MEGF11: variants seen among roughly 807,000 people sequenced by gnomAD.
The protein encoded by MEGF11 is multiple EGF like domains 11, also known as multiple epidermal growth factor-like domains protein 11.
A neutral mutation model predicts 146.6 loss-of-function variants in MEGF11; 126 were observed. That is an observed-to-expected ratio of 0.86 (90% CI 0.74 to 1.00). The LOEUF (loss-of-function observed/expected upper bound fraction) is 1.00, where lower values mean the gene tolerates loss of function less well. MEGF11 is among the 50% of genes least tolerant of loss of function. MEGF11 has a pLI of 0.00. For synonymous variants in MEGF11, 532 were observed against 583.4 expected (o/e 0.91, Z 1.27); for missense variants, 1,509 against 1,521.2 (o/e 0.99, Z 0.13).
chr15:66,188,077 A>T (rs1319259798), intron 1 of MEGF11, among the ~76,000 whole-genome samples: 1 of 152,118 alleles, frequency 6.6e-6, no homozygotes, highest in Non-Finnish European at 1.5e-5. Flanking sequence ...GCACTGTAGG[A>T]CATCGAGCAG....
intron 5 of MEGF11, among the ~76,000 whole-genome samples, chr15:66,020,361 A>T (rs1366984950): frequency 6.6e-6 from 1 of 152,188 alleles, no homozygotes; most frequent in Non-Finnish European, 1.5e-5. Context: ...GAACAAAGCC[A>T]ACACAAAGGA....
At chr15:66,158,005 C>G (rs548055062) in intron 1 of MEGF11, among the ~76,000 whole-genome samples, 1 of 152,226 alleles carries the variant, frequency 6.6e-6, no homozygotes, top group East Asian at 1.9e-4. Flanking sequence ...CCGCTGTTGC[C>G]CCTTGAAATG....
intron 1 of MEGF11, among the ~76,000 whole-genome samples, chr15:66,233,627 T>C (rs2092021082): frequency 6.6e-6 from 1 of 152,198 alleles, no homozygotes. Context: ...CCACAGCAAA[T>C]GCCTGTCCAG....
At position 65,927,804 on chromosome 15, in the gene MEGF11, CAG is replaced by C. The variant is rs538320052; in HGVS notation, c.1675+619_1675+620del. 2.2e-4 allele frequency among the ~76,000 whole-genome samples: 33 copies of C among 152,318 alleles called. No individual in the cohort carries two copies. In the East Asian group the frequency reaches 6.2e-3, roughly 28 times the overall value. On this transcript the variant is annotated intron_variant, in intron 13 of 25. Transcript: ENST00000395614. ...GTGAACAGAGTGAGGTGGAGTCAGG[CAG>C]AGCCAGATCCCGTGGGCCCTGGGCC...
intron 5 of MEGF11, among the ~76,000 whole-genome samples, chr15:66,050,711 T>C (rs2084414032): frequency 6.6e-6 from 1 of 152,178 alleles, no homozygotes; most frequent in Non-Finnish European, 1.5e-5. Context: ...GGAGAGCAGT[T>C]AGGAGACTCT....
chr15:65,925,818 C>T (rs575000414), intron 13 of MEGF11, among the ~76,000 whole-genome samples: 14 of 152,284 alleles, frequency 9.2e-5, no homozygotes, highest in Admixed American at 9.1e-4. Flanking sequence ...CTTCAGGGTC[C>T]GTTTAGGGCC....
At chr15:66,027,578 C>G (rs939212241) in intron 5 of MEGF11, among the ~76,000 whole-genome samples, 3 of 152,356 alleles carry the variant, frequency 2.0e-5, no homozygotes, top group Admixed American at 2.0e-4. Context: ...TCCATCACCC[C>G]CTATCTCTGG....
chr15:65,902,069 C>T (rs1269579265), intron 24 of MEGF11: 1 of 152,232 alleles, frequency 6.6e-6, no homozygotes, highest in African/African-American at 2.4e-5. Context: ...CAAGGAATGT[C>T]TTTCATCTAT....
At chr15:65,911,617 T>G (rs1364232402) in intron 21 of MEGF11, among the ~76,000 whole-genome samples, 2 of 152,212 alleles carry the variant, frequency 1.3e-5, no homozygotes, top group African/African-American at 4.8e-5. Flanking sequence ...TTCACCATCT[T>G]GGCCAGGATG....
Position 66,070,574 on chromosome 15 carries a change from G to A in MEGF11, c.394+23828C>T, listed in dbSNP as rs77678554. Among the ~76,000 whole-genome samples, 44 of 152,304 alleles carry A rather than the reference G, an allele frequency of 2.9e-4. No homozygotes were observed. The East Asian group carries it at 7.3e-3, about 25-fold the overall frequency. ...CAAGAGGCTGGCTCTGGTGGTGGTG[G>A]GGGGTATCTTTGTAAAACCCATTTA... is the stretch of plus-strand genomic sequence containing the variant. On this transcript the variant is annotated intron_variant, in intron 5 of 25. Coordinates refer to ENST00000395614, the MANE Select transcript of MEGF11 (RefSeq NM_001385028.1).
At chr15:66,127,629 G>T (rs993290570) in intron 2 of MEGF11, among the ~76,000 whole-genome samples, 3 of 152,190 alleles carry the variant, frequency 2.0e-5, no homozygotes, top group Admixed American at 6.5e-5. Context: ...GTTTAATTCG[G>T]TTTTTTCCTG....
chr15:66,242,710 C>T (rs1052986985), intron 1 of MEGF11, among the ~76,000 whole-genome samples: 1 of 152,170 alleles, frequency 6.6e-6, no homozygotes, highest in Non-Finnish European at 1.5e-5. Flanking sequence ...ACAAGTGGGA[C>T]ACAGAAGTTA....
chr15:65,927,365 C>T (rs2079407135), intron 13 of MEGF11, among the ~76,000 whole-genome samples: 1 of 152,180 alleles, frequency 6.6e-6, no homozygotes, highest in South Asian at 2.1e-4. Context: ...TTCTTAACTA[C>T]CGTGTTATCC....
At chr15:66,044,116 C>T (rs766278880) in intron 5 of MEGF11, among the ~76,000 whole-genome samples, 2 of 152,126 alleles carry the variant, frequency 1.3e-5, no homozygotes, top group Non-Finnish European at 2.9e-5. Context: ...GAGGAAACCT[C>T]GACCCTTGGG....
intron 4 of MEGF11, among the ~76,000 whole-genome samples, chr15:66,095,405 C>A (rs562991341): frequency 6.6e-6 from 1 of 152,368 alleles, no homozygotes; most frequent in Admixed American, 6.5e-5. Flanking sequence ...TTACCATCAA[C>A]CCTGTCAATT....
intron 4 of MEGF11, among the ~76,000 whole-genome samples, chr15:66,094,939 T>C (rs112432371): frequency 0.021 from 3,122 of 152,156 alleles, 104 homozygotes; most frequent in African/African-American, 0.07. Context: ...GAAAAGAAGG[T>C]CCCTTCTCAC....
intron 1 of MEGF11, among the ~76,000 whole-genome samples, chr15:66,148,253 G>C (rs998698802): frequency 1.3e-5 from 2 of 149,996 alleles, no homozygotes; most frequent in Admixed American, 1.3e-4. Flanking sequence ...GGCAAACTAG[G>C]AAAAAAAAAC....
intron 10 of MEGF11, 74 bp from the exon 11 acceptor site, chr15:65,931,017 C>T (rs562525402): frequency 2.2e-5 from 31 of 1,408,928 alleles, no homozygotes; most frequent in Non-Finnish European, 2.7e-5. Flanking sequence ...AGGATAATGA[C>T]CCCTGCTGCC....
chr15:65,942,600 T>C (rs1250504960), intron 10 of MEGF11, among the ~76,000 whole-genome samples: 4 of 152,136 alleles, frequency 2.6e-5, no homozygotes, highest in Non-Finnish European at 5.9e-5. Flanking sequence ...GCTATCAGCA[T>C]CCCACATCCA....
Sources: allele counts gnomAD v4.1 joint callset (sites outside exome capture counted in the v4.1 genomes callset), GRCh38; gene constraint gnomAD v4.1.1; transcripts MANE v1.5; gene names NCBI Gene and HGNC (gene_info 2026-07-23, HGNC 2026-07-21).